The following RPS6KA2 variants were observed in gnomAD, a reference collection of about 807,000 sequenced individuals.
RPS6KA2 encodes ribosomal protein S6 kinase A2.
Under a neutral mutation model 91.8 loss-of-function variants are expected in RPS6KA2, and 42 were observed. The ratio of observed to expected loss-of-function variants is 0.46; its 90% CI spans 0.36 to 0.59. The LOEUF (loss-of-function observed/expected upper bound fraction) is 0.59. RPS6KA2 is among the 20% of genes least tolerant of loss of function. The probability of loss-of-function intolerance (pLI) is 0.00; values close to 1 mark genes in which losing one functional copy is unlikely to be tolerated. For synonymous variants in RPS6KA2, 414 were observed against 393.6 expected (o/e 1.05, Z -0.61); for missense variants, 798 against 978.5 (o/e 0.82, Z 2.46).
chr6:166,764,171 G>C (rs1359853959), intron 2 of RPS6KA2, among the ~76,000 whole-genome samples: 8 of 152,152 alleles, frequency 5.3e-5, no homozygotes, highest in Non-Finnish European at 5.9e-5. Context: ...TGAGTGAGAG[G>C]GTGAGAGAAA....
chr6:166,765,989 T>G (rs533908022), intron 2 of RPS6KA2, among the ~76,000 whole-genome samples: 1 of 152,328 alleles, frequency 6.6e-6, no homozygotes, highest in South Asian at 2.1e-4. Flanking sequence ...AAGGTCAATA[T>G]CATAATGGCT....
intron 2 of RPS6KA2, among the ~76,000 whole-genome samples, chr6:166,768,789 G>A (rs481830): frequency 0.46 from 70,580 of 151,970 alleles, 16,677 homozygotes; most frequent in East Asian, 0.67. Flanking sequence ...TGAACCTACG[G>A]GGTTCCCGCC....
chr6:166,831,800 T>TGATA (rs1303031365), intron 2 of RPS6KA2, among the ~76,000 whole-genome samples: 2 of 147,406 alleles, frequency 1.4e-5, no homozygotes, highest in African/African-American at 2.5e-5. Flanking sequence ...CATAGATAGA[T>TGATA]GATAGATAGA....
chr6:166,850,000 C>T lies in RPS6KA2; in HGVS notation c.123+8200G>A, dbSNP rs563404538. 4.6e-5 allele frequency among the ~76,000 whole-genome samples: 7 copies of T among 152,090 alleles called. No homozygotes were observed. The highest frequency in any genetic ancestry group is 1.9e-4 in the East Asian group (1 of 5,192). On this transcript the variant is annotated intron_variant, in intron 2 of 21. Transcript: ENST00000503859. The surrounding 1 kb of genome is among the most constrained non-coding windows in gnomAD (Gnocchi z 4.9). Reference sequence around the variant, plus strand: ...CTCACGCATGGCTCTGCTATGCCCACGGGGCCTCCGCCAGGGACGTGGAGC... The same window carrying T: ...CTCACGCATGGCTCTGCTATGCCCATGGGGCCTCCGCCAGGGACGTGGAGC...
At chr6:166,605,035 G>A (rs181364968) in intron 1 of RPS6KA2, among the ~76,000 whole-genome samples, 68 of 152,128 alleles carry the variant, frequency 4.5e-4, no homozygotes, top group Admixed American at 7.9e-4. Flanking sequence ...AGGCCCTCCC[G>A]TTCCAGGGCT....
rs1288964554 is a variant in RPS6KA2 at position 166,563,532 on chromosome 6, C to T, written c.100-24748G>A. 6.6e-6 allele frequency among the ~76,000 whole-genome samples: 1 copy of T among 152,012 alleles called. No homozygotes were observed. The highest frequency in any genetic ancestry group is 2.4e-5 in the African/African-American group (1 of 41,372). On this transcript the variant is annotated intron_variant, in intron 1 of 20. Coordinates refer to ENST00000265678, the MANE Select transcript of RPS6KA2 (RefSeq NM_021135.6). The surrounding 1 kb of genome is among the most constrained non-coding windows in gnomAD (Gnocchi z 4.1). The stretch of plus-strand genomic sequence containing the variant: ...CTCCTGAGTGCTGTGCCTGCCCCCA[C>T]TCCATCTGAGCGGCTGACCAGTCAC...
intron 2 of RPS6KA2, among the ~76,000 whole-genome samples, chr6:166,803,967 T>C (rs1253245585): frequency 6.6e-6 from 1 of 152,240 alleles, no homozygotes; most frequent in Non-Finnish European, 1.5e-5. Flanking sequence ...TCTGTTCTAG[T>C]GTAACCCTAA....
chr6:166,736,795 G>A (rs1389508564), intron 2 of RPS6KA2, among the ~76,000 whole-genome samples: 3 of 152,214 alleles, frequency 2.0e-5, no homozygotes, highest in Admixed American at 1.3e-4. Context: ...AGACCAGAGA[G>A]GCTGACTAAT....
At chr6:166,481,492 A>G (rs962565972) in intron 10 of RPS6KA2, among the ~76,000 whole-genome samples, 7 of 152,182 alleles carry the variant, frequency 4.6e-5, no homozygotes, top group African/African-American at 1.7e-4. Flanking sequence ...GTGTACGTAT[A>G]CCTCTCTGAT....
intron 10 of RPS6KA2, among the ~76,000 whole-genome samples, chr6:166,485,367 C>T (rs932326467): frequency 3.3e-5 from 5 of 152,128 alleles, no homozygotes; most frequent in Admixed American, 6.5e-5. Context: ...ATTGCAAACT[C>T]GATTCTAAGG....
intron 2 of RPS6KA2, among the ~76,000 whole-genome samples, chr6:166,703,403 C>T (rs1284664941): frequency 1.3e-5 from 2 of 152,248 alleles, no homozygotes; most frequent in Admixed American, 6.5e-5. Flanking sequence ...GTTCAATTAA[C>T]ATTAGCTGAG....
At chr6:166,688,160 C>T (rs1789081924) in intron 2 of RPS6KA2, among the ~76,000 whole-genome samples, 1 of 152,146 alleles carries the variant, frequency 6.6e-6, no homozygotes, top group African/African-American at 2.4e-5. Flanking sequence ...GGCGAAGGAG[C>T]TGGCAGGGCT....
chr6:166,789,340 T>G (rs1468776731), intron 2 of RPS6KA2, among the ~76,000 whole-genome samples: 1 of 152,188 alleles, frequency 6.6e-6, no homozygotes, highest in Non-Finnish European at 1.5e-5. Context: ...CAGGTTTGAT[T>G]AGGTAAACAA....
At chr6:166,715,727 T>A (rs1012332375) in intron 2 of RPS6KA2, among the ~76,000 whole-genome samples, 3 of 152,174 alleles carry the variant, frequency 2.0e-5, no homozygotes, top group African/African-American at 7.2e-5. Flanking sequence ...TGCAGCTTCC[T>A]GGTCGTGTAT....
intron 1 of RPS6KA2, among the ~76,000 whole-genome samples, chr6:166,549,659 G>GT (rs1783935569): frequency 1.3e-5 from 2 of 151,918 alleles, no homozygotes; most frequent in Non-Finnish European, 2.9e-5. Context: ...GTGTTGGGGG[G>GT]GTGTGTGTGT....
chr6:166,535,769 T>C (rs1783457475), intron 2 of RPS6KA2, among the ~76,000 whole-genome samples: 1 of 152,212 alleles, frequency 6.6e-6, no homozygotes, highest in African/African-American at 2.4e-5. Flanking sequence ...GCTTTTCATT[T>C]TGAGGATAAG....
intron 15 of RPS6KA2, 139 bp downstream of exon 15, chr6:166,432,262 G>C (rs1431070556): frequency 6.2e-6 from 4 of 646,496 alleles, no homozygotes; most frequent in Non-Finnish European, 1.1e-5. Context: ...TCAGCTCCAA[G>C]TGACTGAGAT....
At chr6:166,553,513 T>TA (rs1784083483) in intron 1 of RPS6KA2, among the ~76,000 whole-genome samples, 1 of 144,028 alleles carries the variant, frequency 6.9e-6, no homozygotes, top group African/African-American at 2.7e-5. Context: ...CAGGAGTCAT[T>TA]TAAAAAAAAA....
chr6:166,641,297 G>C (rs2128550037), intron 2 of RPS6KA2, among the ~76,000 whole-genome samples: 1 of 152,212 alleles, frequency 6.6e-6, no homozygotes, highest in South Asian at 2.1e-4. Flanking sequence ...TAAAATATGT[G>C]TCTTCAATAC....
Sources: allele counts gnomAD v4.1 joint callset (sites outside exome capture counted in the v4.1 genomes callset), GRCh38; gene constraint gnomAD v4.1.1; non-coding constraint Gnocchi (gnomAD v3.1); transcripts MANE v1.5; gene names NCBI Gene and HGNC (gene_info 2026-07-23, HGNC 2026-07-21).